The following SLC34A2 variants were observed in gnomAD, a reference collection of about 807,000 sequenced individuals.
SLC34A2 encodes the protein solute carrier family 34 member 2, also known as sodium-dependent phosphate transport protein 2B.
A neutral mutation model predicts 50.8 loss-of-function variants in SLC34A2; 41 were observed. The observed-to-expected ratio is 0.81, with a 90% confidence interval of 0.63 to 1.05. SLC34A2 has a LOEUF of 1.05. Ranked by LOEUF, SLC34A2 falls within the 50% of genes least tolerant of loss-of-function variation. The pLI is 0.00. For missense variants in SLC34A2, 879 were observed against 876.7 expected (o/e 1.00, Z -0.03); for synonymous variants, 401 against 364.2 (o/e 1.10, Z -1.15).
chr4:25,660,477 A>G (rs1347811957), intron 1 of SLC34A2, among the ~76,000 whole-genome samples: 1 of 152,236 alleles, frequency 6.6e-6, no homozygotes, highest in African/African-American at 2.4e-5. Context: ...CTTCTCCAGC[A>G]TAGCATAATG....
intron 1 of SLC34A2, among the ~76,000 whole-genome samples, chr4:25,661,207 G>T (rs559757642): frequency 1.6e-4 from 24 of 152,226 alleles, no homozygotes; most frequent in Non-Finnish European, 2.8e-4. Flanking sequence ...AACCCTGCAA[G>T]AACTGTTCCA....
chr4:25,661,181 T>G (rs1714164324), intron 1 of SLC34A2, among the ~76,000 whole-genome samples: 1 of 152,236 alleles, frequency 6.6e-6, no homozygotes, highest in African/African-American at 2.4e-5. Flanking sequence ...ACTTTTAATT[T>G]CACTATTAGT....
chr4:25,668,863 T>C (rs191590816), intron 6 of SLC34A2, among the ~76,000 whole-genome samples: 1 of 151,018 alleles, frequency 6.6e-6, no homozygotes, highest in Non-Finnish European at 1.5e-5. Context: ...ATGTGAAAAT[T>C]AAGTGTTTCT....
In SLC34A2 at chr4:25,676,705, G is replaced by A; in HGVS notation, c.2029G>A (p.Glu677Lys). Reference sequence around the variant, plus strand: ...AACCATTAGCAGAGAGGCTCAGGGTGAGGTCCCTGCCTCGGACTCAAAGAC... The same window carrying A: ...AACCATTAGCAGAGAGGCTCAGGGTAAGGTCCCTGCCTCGGACTCAAAGAC... ...NITISREAQG[E>K]VPASDSKTEC... The change falls in exon 13 of 13, where the codon GAG becomes AAG. Residue 677 changes from glutamate to lysine, a missense_variant. Coordinates refer to ENST00000382051, the MANE Select transcript of SLC34A2 (RefSeq NM_006424.3). The A allele has an allele frequency of 1.2e-6, 2 of 1,614,186 alleles. No homozygotes were observed. The highest frequency in any genetic ancestry group is 1.1e-5 in the South Asian group (1 of 91,086).
chr4:25,659,014 A>G (rs1182814406), intron 1 of SLC34A2, among the ~76,000 whole-genome samples: 1 of 151,336 alleles, frequency 6.6e-6, no homozygotes, highest in Non-Finnish European at 1.5e-5. Context: ...ACCTGCAGAC[A>G]TGCCAATCTA....
intron 7 of SLC34A2, 47 bp from the exon 8 acceptor site, chr4:25,670,691 T>G (rs1487647023): frequency 6.8e-7 from 1 of 1,472,736 alleles, no homozygotes; most frequent in African/African-American, 1.4e-5. Context: ...GTGTCCTAAA[T>G]CGGTTCTGAG....
Position 25,676,849 on chromosome 4 carries a change from G to A in SLC34A2, c.*100G>A. The A allele has an allele frequency of 1.3e-6, 2 of 1,538,012 alleles. No homozygotes were observed. The highest frequency in any genetic ancestry group is 1.8e-5 in the Admixed American group (1 of 56,426). ...CCCTTTCACCACCTCGAGGAGATTT[G>A]CTCCCCATTAGCGAATGAAATTGAT... is the stretch of plus-strand genomic sequence containing the variant. On this transcript the variant is annotated 3_prime_UTR_variant, in exon 13 of 13. Transcript: ENST00000382051.
At chr4:25,673,006 A>C in intron 9 of SLC34A2, 81 bp from the exon 10 acceptor site, 1 of 1,462,216 alleles carries the variant, frequency 6.8e-7, no homozygotes, top group Non-Finnish European at 9.6e-7. Context: ...TGTAGGAAAG[A>C]CAGGATCTGG....
chr4:25,666,083 C>T (rs569328765), intron 4 of SLC34A2, 45 bp from the exon 5 acceptor site: 6 of 1,606,862 alleles, frequency 3.7e-6, no homozygotes, highest in Middle Eastern at 1.6e-4. Context: ...TAATCCCCCT[C>T]GATCACGTTG....
intron 12 of SLC34A2, 68 bp downstream of exon 12, chr4:25,674,697 T>C (rs1715020206): frequency 6.3e-7 from 1 of 1,597,626 alleles, no homozygotes; most frequent in Admixed American, 1.7e-5. Context: ...CAAACTGGTC[T>C]CTAACAAGAG....
chr4:25,671,093 C>T (rs1164473184), intron 8 of SLC34A2, among the ~76,000 whole-genome samples: 1 of 152,206 alleles, frequency 6.6e-6, no homozygotes, highest in Admixed American at 6.5e-5. Flanking sequence ...TATTTCCATG[C>T]CTCTTGGAGA....
rs1458981472 is a variant in SLC34A2, at chr4:25,676,229, T to C, written c.1553T>C (p.Leu518Pro). 1.9e-6 allele frequency: 3 copies of C among 1,614,210 alleles called. No individual in the cohort carries two copies. The highest frequency in any genetic ancestry group is 2.7e-5 in the African/African-American group (2 of 75,058). ...TRLPIRMAKG[L>P]GNISAKYRWF... is the part of the protein sequence containing the mutation. ...CTGCCCATCCGCATGGCCAAGGGGC[T>C]GGGCAACATCTCTGCCAAGTATCGC... The change falls in exon 13 of 13, where the codon CTG (leucine) becomes CCG (proline). Residue 518 changes from leucine (L) to proline (P), a missense_variant. Transcript: ENST00000382051.
chr4:25,660,181 G>A (rs915429262), intron 1 of SLC34A2, among the ~76,000 whole-genome samples: 1 of 152,226 alleles, frequency 6.6e-6, no homozygotes, highest in African/African-American at 2.4e-5. Context: ...CCTTAAAGAT[G>A]AAGTGATGGA....
At chr4:25,669,312 C>T (rs1040331766) in intron 6 of SLC34A2, among the ~76,000 whole-genome samples, 1 of 152,170 alleles carries the variant, frequency 6.6e-6, no homozygotes, top group African/African-American at 2.4e-5. Flanking sequence ...TGGTTGCCTT[C>T]ATACTGGTCC....
At chr4:25,668,026 C>T in intron 6 of SLC34A2, 35 bp downstream of exon 6, 1 of 1,329,010 alleles carries the variant, frequency 7.5e-7, no homozygotes, top group Non-Finnish European at 1.1e-6. Context: ...GCGACATCAG[C>T]TCTATTGTTC....
intron 1 of SLC34A2, among the ~76,000 whole-genome samples, chr4:25,661,820 G>C (rs912808331): frequency 6.6e-6 from 1 of 151,952 alleles, no homozygotes; most frequent in Non-Finnish European, 1.5e-5. Flanking sequence ...GGGTTGTGAG[G>C]ATTTGGCATG....
chr4:25,668,041 C>A, intron 6 of SLC34A2, 50 bp downstream of exon 6: 2 of 1,204,602 alleles, frequency 1.7e-6, no homozygotes, highest in Non-Finnish European at 2.5e-6. Flanking sequence ...TTGTTCTTGG[C>A]CACGCTGTTG....
intron 1 of SLC34A2, among the ~76,000 whole-genome samples, chr4:25,658,727 ACTTCTCC>A (rs1332744859): frequency 1.3e-5 from 2 of 152,082 alleles, no homozygotes; most frequent in African/African-American, 4.8e-5. Flanking sequence ...CCAAATGATG[ACTTCTCC>A]CTTCCTCTGC....
In SLC34A2 at chr4:25,676,967, C is replaced by T. The variant is rs937818409; in HGVS notation, c.*218C>T. ...CTGGTCACTCAGTAATCTTTTACTC[C>T]AGGAAGGCACAGGATGGTACCTAAA... On this transcript the variant is annotated 3_prime_UTR_variant, in exon 13 of 13. Coordinates refer to ENST00000382051, the MANE Select transcript of SLC34A2 (RefSeq NM_006424.3). 3 of 604,578 alleles carry T rather than the reference C, an allele frequency of 5.0e-6. No individual in the cohort carries two copies. Among genetic ancestry groups the T allele is most frequent in the Non-Finnish European group, 8.8e-6 (3 of 340,286 alleles). 37.5% of individuals were successfully genotyped at this position (604,578 alleles called of 1,614,324 possible).
Sources: allele counts gnomAD v4.1 joint callset (sites outside exome capture counted in the v4.1 genomes callset), GRCh38; gene constraint gnomAD v4.1.1; transcripts MANE v1.5; gene names NCBI Gene and HGNC (gene_info 2026-07-23, HGNC 2026-07-21).